Variants in PCBP3 observed in about 807,000 individuals in gnomAD.
PCBP3 encodes the protein poly(rC)-binding protein 3.
Under a neutral mutation model 52.7 loss-of-function variants are expected in PCBP3, and 25 were observed. That is an observed-to-expected ratio of 0.47 (90% CI 0.35 to 0.66). The LOEUF is 0.66. Ranked by LOEUF, PCBP3 falls within the 30% of genes least tolerant of loss-of-function variation. The pLI, the probability that PCBP3 is intolerant of heterozygous loss-of-function variation, is 0.01. For missense variants in PCBP3, 391 were observed against 490.3 expected (o/e 0.80, Z 1.91); for synonymous variants, 162 against 183.0 (o/e 0.89, Z 0.93).
At chr21:45,862,850 T>C (rs1260427061) in intron 5 of PCBP3, among the ~76,000 whole-genome samples, 1 of 152,194 alleles carries the variant, frequency 6.6e-6, no homozygotes, top group Non-Finnish European at 1.5e-5. Context: ...CGCCCCTGAG[T>C]CTTGTGTAAC....
At chr21:45,693,039 C>T (rs1299922384) in intron 2 of PCBP3, among the ~76,000 whole-genome samples, 1 of 152,114 alleles carries the variant, frequency 6.6e-6, no homozygotes, top group Non-Finnish European at 1.5e-5. Context: ...AAAAACCAGA[C>T]AATTATTTCA....
intron 4 of PCBP3, among the ~76,000 whole-genome samples, chr21:45,797,667 AG>A (rs1331506246): frequency 2.4e-4 from 2 of 8,250 alleles, no homozygotes; most frequent in Non-Finnish European, 5.9e-4. Flanking sequence ...ATGGATCCAT[AG>A]GGAGAGTGAA....
At chr21:45,755,770 T>A (rs1401136857) in intron 4 of PCBP3, among the ~76,000 whole-genome samples, 2 of 152,230 alleles carry the variant, frequency 1.3e-5, no homozygotes, top group Non-Finnish European at 2.9e-5. Flanking sequence ...ATTAAAACAT[T>A]TTATATTGTT....
At position 45,805,912 on chromosome 21, in the gene PCBP3, G is replaced by A. The variant is rs2092481363; in HGVS notation, c.-125-44049G>A. ...GCAGAGCTGGGGGGGCGGGCCATGA[G>A]GGGAAGTCCAGGCCTCTCCACCCAG... On this transcript the variant is annotated intron_variant, in intron 4 of 17. Coordinates refer to ENST00000681687, the MANE Select transcript of PCBP3 (RefSeq NM_001384156.1). The surrounding 1 kb of genome is among the most constrained non-coding windows in gnomAD (Gnocchi z 4.6). 2.0e-5 allele frequency among the ~76,000 whole-genome samples: 3 copies of A among 152,222 alleles called. No homozygotes were observed. The highest frequency in any genetic ancestry group is 7.2e-5 in the African/African-American group (3 of 41,454).
At chr21:45,835,349 G>A (rs951110876) in intron 4 of PCBP3, among the ~76,000 whole-genome samples, 1 of 152,184 alleles carries the variant, frequency 6.6e-6, no homozygotes, top group Non-Finnish European at 1.5e-5. Context: ...TCTGTGGCCT[G>A]TTGGCAGAGA....
chr21:45,820,037 C>T (rs181815906), intron 4 of PCBP3, among the ~76,000 whole-genome samples: 33 of 152,246 alleles, frequency 2.2e-4, no homozygotes, highest in Admixed American at 8.5e-4. Context: ...TGCTCTACAC[C>T]GCAGGACTGT....
intron 6 of PCBP3, among the ~76,000 whole-genome samples, chr21:45,898,683 ACGGGCCCCTCTG>A (rs2095920298): frequency 5.9e-5 from 2 of 33,796 alleles, no homozygotes; most frequent in African/African-American, 3.6e-4. Flanking sequence ...CTCTCCCTCC[ACGGGCCCCTCTG>A]CACGCCGTCC....
chr21:45,888,140 G>C (rs757316613), intron 5 of PCBP3, among the ~76,000 whole-genome samples: 3 of 152,230 alleles, frequency 2.0e-5, no homozygotes, highest in Admixed American at 6.5e-5. Flanking sequence ...GGGCAGGGGG[G>C]TCTGCCCTAG....
intron 4 of PCBP3, among the ~76,000 whole-genome samples, chr21:45,843,053 C>T (rs12482010): frequency 0.14 from 20,896 of 146,264 alleles, 1,605 homozygotes; most frequent in Middle Eastern, 0.28. Flanking sequence ...ACAAACAAAA[C>T]GAACAAACAA....
chr21:45,935,911 T>C (rs555915962), intron 16 of PCBP3, among the ~76,000 whole-genome samples: 6 of 152,360 alleles, frequency 3.9e-5, no homozygotes, highest in Admixed American at 1.3e-4. Flanking sequence ...ATTCTCTGAA[T>C]GCTTGACTTA....
At chr21:45,927,276 TCTCC>T (rs2075551376) in intron 13 of PCBP3, among the ~76,000 whole-genome samples, 1 of 91,258 alleles carries the variant, frequency 1.1e-5, no homozygotes, top group African/African-American at 4.6e-5. Context: ...CCTACCCTCC[TCTCC>T]CTCCCTCTCC....
chr21:45,854,326 A>C (rs745806024), intron 5 of PCBP3, among the ~76,000 whole-genome samples: 1 of 152,110 alleles, frequency 6.6e-6, no homozygotes, highest in Non-Finnish European at 1.5e-5. Flanking sequence ...ATTTTTTAGC[A>C]TACAGTTCAG....
At chr21:45,899,567 A>G in intron 6 of PCBP3, 32 bp from the exon 7 acceptor site, 1 of 1,593,774 alleles carries the variant, frequency 6.3e-7, no homozygotes, top group Admixed American at 1.7e-5. Flanking sequence ...GCTCTATGAC[A>G]TCATCTTTCT....
intron 4 of PCBP3, among the ~76,000 whole-genome samples, chr21:45,841,327 A>G (rs2093695550): frequency 6.7e-6 from 1 of 150,178 alleles, no homozygotes; most frequent in Admixed American, 6.6e-5. Context: ...CTGTTTAATT[A>G]TTTTCATTCT....
intron 2 of PCBP3, among the ~76,000 whole-genome samples, chr21:45,726,589 C>T (rs376937199): frequency 2.2e-4 from 34 of 152,286 alleles, no homozygotes; most frequent in African/African-American, 7.2e-4. Flanking sequence ...CCCATGATCC[C>T]GCCAGGCCTG....
In PCBP3 at chr21:45,736,284, T is replaced by G. The variant is rs550100646; in HGVS notation, c.-162+855T>G. ...GGTGAAGTAACTCACTCAGGTTATC[T>G]TGGTGCCAGTGGTGGGGCTGGGATT... On this transcript the variant is annotated intron_variant, in intron 3 of 17. Coordinates refer to ENST00000681687, the MANE Select transcript of PCBP3 (RefSeq NM_001384156.1). This position sits in a 1 kb window ranked among gnomAD's most constrained non-coding sequence, Gnocchi z 4.6. Among the ~76,000 whole-genome samples the G allele has an allele frequency of 2.0e-4, 31 of 152,220 alleles. No homozygotes were observed. Among genetic ancestry groups the G allele is most frequent in the Non-Finnish European group, 3.5e-4 (24 of 68,048 alleles).
At chr21:45,681,137 A>G (rs1015277440) in intron 2 of PCBP3, among the ~76,000 whole-genome samples, 3 of 152,208 alleles carry the variant, frequency 2.0e-5, no homozygotes, top group Non-Finnish European at 2.9e-5. Context: ...TGATGAGTTA[A>G]TCACTTCCCA....
At chr21:45,795,229 C>T (rs951738754) in intron 4 of PCBP3, among the ~76,000 whole-genome samples, 2 of 151,666 alleles carry the variant, frequency 1.3e-5, no homozygotes, top group African/African-American at 2.4e-5. Context: ...CCAGAATGTC[C>T]GTATGTTTAC....
intron 4 of PCBP3, among the ~76,000 whole-genome samples, chr21:45,799,159 C>T (rs1265532176): frequency 6.6e-6 from 1 of 152,094 alleles, no homozygotes; most frequent in African/African-American, 2.4e-5. Context: ...TGTGCATGGA[C>T]GAATTCATGA....
Sources: allele counts gnomAD v4.1 joint callset (sites outside exome capture counted in the v4.1 genomes callset), GRCh38; gene constraint gnomAD v4.1.1; non-coding constraint Gnocchi (gnomAD v3.1); transcripts MANE v1.5; gene names NCBI Gene and HGNC (gene_info 2026-07-23, HGNC 2026-07-21).